Variants in ERC2 observed in about 807,000 individuals in gnomAD.
ERC2 encodes the protein ERC protein 2.
Under a neutral mutation model 114.8 loss-of-function variants are expected in ERC2, and 42 were observed. The ratio of observed to expected loss-of-function variants is 0.37; its 90% confidence interval spans 0.29 to 0.47. ERC2 has a LOEUF of 0.47. ERC2 is among the 20% of genes least tolerant of loss of function. ERC2 has a pLI of 0.99. For missense variants in ERC2, 939 were observed against 1,150.7 expected (o/e 0.82, Z 2.66); for synonymous variants, 454 against 425.5 (o/e 1.07, Z -0.82).
intron 4 of ERC2, among the ~76,000 whole-genome samples, chr3:56,154,875 A>T (rs1440359460): frequency 6.6e-6 from 1 of 152,196 alleles, no homozygotes; most frequent in Non-Finnish European, 1.5e-5. Context: ...AGCCAAAAAC[A>T]ATGTAGTAAG....
intron 4 of ERC2, among the ~76,000 whole-genome samples, chr3:56,153,384 T>C (rs1434989031): frequency 2.0e-5 from 3 of 152,276 alleles, no homozygotes; most frequent in African/African-American, 4.8e-5. Flanking sequence ...CTCAGAACTA[T>C]TGAATCCAAA....
chr3:56,242,478 T>TAATA (rs148061158), intron 3 of ERC2, among the ~76,000 whole-genome samples: 1 of 151,584 alleles, frequency 6.6e-6, no homozygotes, highest in Non-Finnish European at 1.5e-5. Flanking sequence ...TTTAAATAAA[T>TAATA]AATAAATAAA....
Position 55,667,987 on chromosome 3 carries a change from C to T in ERC2, c.*39+15807G>A, listed in dbSNP as rs139801176. 2.7e-3 allele frequency among the ~76,000 whole-genome samples: 412 copies of T among 152,278 alleles called. 2 individuals carry two copies. Among genetic ancestry groups the T allele is most frequent in the African/African-American group, 9.4e-3 (391 of 41,524 alleles). ...GTCCCTGGCCTCTACCTACTGGATG[C>T]CAATAGCATCCCTGCCACCCCACCC... On this transcript the variant is annotated intron_variant, in intron 17 of 17. Transcript: ENST00000288221.
intron 15 of ERC2, among the ~76,000 whole-genome samples, chr3:55,733,460 TCTCTCA>T (rs2065393319): frequency 1.0e-5 from 1 of 96,696 alleles, no homozygotes; most frequent in Admixed American, 9.6e-5. Context: ...ATTCTCTCTC[TCTCTCA>T]CACACACACA....
At chr3:55,950,301 T>C (rs1395579563) in intron 13 of ERC2, 124 bp downstream of exon 13, 1 of 1,218,832 alleles carries the variant, frequency 8.2e-7, no homozygotes, top group African/African-American at 1.5e-5. Context: ...TCCCTGTTAG[T>C]GCTAGACTCA....
At chr3:56,385,383 G>A (rs2059900340) in intron 2 of ERC2, among the ~76,000 whole-genome samples, 1 of 151,982 alleles carries the variant, frequency 6.6e-6, no homozygotes, top group African/African-American at 2.4e-5. Flanking sequence ...CTTCCCAAAG[G>A]CCCCATCTCC....
At chr3:55,532,780 A>G (rs2053751372) in intron 17 of ERC2, among the ~76,000 whole-genome samples, 1 of 152,116 alleles carries the variant, frequency 6.6e-6, no homozygotes, top group Non-Finnish European at 1.5e-5. Flanking sequence ...CTCCTTCTTT[A>G]CTTGTGCTGT....
At chr3:55,937,642 C>G (rs1326514011) in intron 13 of ERC2, among the ~76,000 whole-genome samples, 2 of 151,946 alleles carry the variant, frequency 1.3e-5, no homozygotes, top group Non-Finnish European at 2.9e-5. Context: ...TGACATTGTT[C>G]CATGAAATAC....
intron 1 of ERC2, among the ~76,000 whole-genome samples, chr3:56,437,986 T>C (rs2062103408): frequency 6.6e-6 from 1 of 152,196 alleles, no homozygotes; most frequent in South Asian, 2.1e-4. Context: ...GTGTTACCAG[T>C]GGTGGAATTC....
chr3:55,610,277 C>T (rs1481499555), intron 17 of ERC2, among the ~76,000 whole-genome samples: 1 of 151,842 alleles, frequency 6.6e-6, no homozygotes, highest in African/African-American at 2.4e-5. Flanking sequence ...GGGATGGGGG[C>T]CAAGATCCCC....
At chr3:56,112,402 TAAC>T (rs67922778) in intron 6 of ERC2, among the ~76,000 whole-genome samples, 25,162 of 149,586 alleles carry the variant, frequency 0.17, 2,236 homozygotes, top group African/African-American at 0.22. Flanking sequence ...CAACAGAGAA[TAAC>T]AAACCTTGAG....
intron 14 of ERC2, among the ~76,000 whole-genome samples, chr3:55,761,557 C>A (rs1027477693): frequency 1.3e-5 from 2 of 152,120 alleles, no homozygotes; most frequent in African/African-American, 4.8e-5. Flanking sequence ...ATGCATGTGG[C>A]TGTGTCCTAA....
At chr3:56,032,983 GAAAGAA>G (rs1560057481) in intron 7 of ERC2, among the ~76,000 whole-genome samples, 2,886 of 80,766 alleles carry the variant, frequency 0.036, 185 homozygotes, top group Middle Eastern at 0.047. Context: ...GAAAGAGAAA[GAAAGAA>G]AGAAAGAAAG....
chr3:55,934,201 A>G (rs1041020996), intron 13 of ERC2, among the ~76,000 whole-genome samples: 1 of 152,248 alleles, frequency 6.6e-6, no homozygotes, highest in Non-Finnish European at 1.5e-5. Context: ...AAAGTATACA[A>G]AGACATAAAT....
At chr3:56,268,403 T>C (rs892259155) in intron 3 of ERC2, among the ~76,000 whole-genome samples, 1 of 152,128 alleles carries the variant, frequency 6.6e-6, no homozygotes, top group African/African-American at 2.4e-5. Context: ...CACATGATTG[T>C]GTATCAAAAC....
At chr3:55,837,153 G>T in intron 14 of ERC2, among the ~76,000 whole-genome samples, 1 of 152,188 alleles carries the variant, frequency 6.6e-6, no homozygotes. Flanking sequence ...TTACACTGTT[G>T]GTGGGACTGT....
intron 15 of ERC2, among the ~76,000 whole-genome samples, chr3:55,717,520 T>C (rs1330876391): frequency 6.6e-6 from 1 of 152,194 alleles, no homozygotes; most frequent in Non-Finnish European, 1.5e-5. Context: ...CGTAAAGACC[T>C]TGGTGTTGTT....
chr3:56,391,431 A>G (rs897583125), intron 2 of ERC2, among the ~76,000 whole-genome samples: 1 of 152,190 alleles, frequency 6.6e-6, no homozygotes, highest in African/African-American at 2.4e-5. Flanking sequence ...AGACTCTCAC[A>G]TCAACTATGA....
intron 1 of ERC2, among the ~76,000 whole-genome samples, chr3:56,456,059 T>C (rs2063047436): frequency 6.6e-6 from 1 of 152,226 alleles, no homozygotes; most frequent in Non-Finnish European, 1.5e-5. Flanking sequence ...TGGTAAATTT[T>C]ATGCGTATCC....
Sources: allele counts gnomAD v4.1 joint callset (sites outside exome capture counted in the v4.1 genomes callset), GRCh38; gene constraint gnomAD v4.1.1; transcripts MANE v1.5; gene names NCBI Gene and HGNC (gene_info 2026-07-23, HGNC 2026-07-21).